The following DMD variants were observed in gnomAD, a reference collection of about 807,000 sequenced individuals.
DMD encodes the protein mutant dystrophin.
A neutral mutation model predicts 330.1 loss-of-function variants in DMD; 63 were observed. The ratio of observed to expected loss-of-function variants is 0.19; its 90% CI spans 0.16 to 0.24. The LOEUF is 0.24. Among genes scored for constraint, DMD ranks in the 10% least tolerant of loss-of-function variants. The pLI, the probability that DMD is intolerant of heterozygous loss-of-function variation, is 1.00. For synonymous variants in DMD, 1,223 were observed against 959.8 expected, an observed-to-expected ratio of 1.27 and a Z score of -5.07; for missense variants, 3,344 against 2,684.1, an observed-to-expected ratio of 1.25 and a Z score of -5.43.
chrX:32,933,323 A>G (rs2146715848), intron 2 of DMD, among the ~76,000 whole-genome samples: 1 of 111,690 alleles, frequency 9.0e-6, no homozygotes, highest in Non-Finnish European at 1.9e-5. Flanking sequence ...AAAGGTTTAT[A>G]ATCCTTACAC....
chrX:32,753,126 T>C (rs890986764), intron 7 of DMD, among the ~76,000 whole-genome samples: 5 of 111,329 alleles, frequency 4.5e-5, no homozygotes, highest in Non-Finnish European at 9.4e-5. Flanking sequence ...AACAAGCTAG[T>C]ACCCAGACTT....
intron 34 of DMD, among the ~76,000 whole-genome samples, chrX:32,370,687 TAA>T (rs201740616): frequency 9.4e-6 from 1 of 106,278 alleles, no homozygotes; most frequent in African/African-American, 3.4e-5. Flanking sequence ...CTGCTCACTT[TAA>T]AAAAAAAAGA....
At chrX:32,462,304 C>A (rs189500049) in intron 25 of DMD, among the ~76,000 whole-genome samples, 1 of 111,470 alleles carries the variant, frequency 9.0e-6, no homozygotes, top group East Asian at 2.8e-4. Flanking sequence ...CTTCTTCTCC[C>A]TCTCAAAATA....
chrX:31,177,909 C>T, intron 71 of DMD, 23 bp downstream of exon 71: 1 of 1,186,406 alleles, frequency 8.4e-7, no homozygotes, highest in Non-Finnish European at 1.1e-6. Flanking sequence ...GTAGCAGCAC[C>T]CTTCAGCAAA....
At chrX:31,858,236 C>T (rs1263167136) in intron 48 of DMD, among the ~76,000 whole-genome samples, 3 of 111,464 alleles carry the variant, frequency 2.7e-5, no homozygotes, top group South Asian at 7.5e-4. Flanking sequence ...GGACATATTG[C>T]TATGGCATTT....
intron 1 of DMD, among the ~76,000 whole-genome samples, chrX:33,042,527 G>T (rs945211471): frequency 9.0e-6 from 1 of 111,367 alleles, no homozygotes; most frequent in Non-Finnish European, 1.9e-5. Context: ...AAAATGTTCA[G>T]GAAAGAAAAA....
intron 1 of DMD, among the ~76,000 whole-genome samples, chrX:33,322,786 C>T (rs73461935): frequency 0.028 from 3,132 of 111,567 alleles, 83 homozygotes; most frequent in East Asian, 0.17. Flanking sequence ...AGCAAAATCC[C>T]TATGCTAAAG....
At chrX:32,947,336 TATTA>T (rs2090889689) in intron 2 of DMD, among the ~76,000 whole-genome samples, 1 of 112,384 alleles carries the variant, frequency 8.9e-6, no homozygotes, top group Non-Finnish European at 1.9e-5. Context: ...AGTGAAGTTG[TATTA>T]ATTCTTTTTT....
At chrX:32,198,586 A>G (rs1388402467) in intron 44 of DMD, among the ~76,000 whole-genome samples, 1 of 111,925 alleles carries the variant, frequency 8.9e-6, no homozygotes, top group African/African-American at 3.2e-5. Flanking sequence ...CTTATTCCAG[A>G]ATACTTTTTT....
intron 1 of DMD, among the ~76,000 whole-genome samples, chrX:33,269,916 C>T (rs1018363024): frequency 3.7e-5 from 4 of 108,693 alleles, no homozygotes; most frequent in Non-Finnish European, 7.6e-5. Flanking sequence ...CTAATATATA[C>T]GTAAAATAAA....
intron 18 of DMD, among the ~76,000 whole-genome samples, chrX:32,507,564 T>C (rs758543865): frequency 9.0e-6 from 1 of 111,559 alleles, no homozygotes; most frequent in South Asian, 3.7e-4. Context: ...TTCCAGTTAT[T>C]CTAATATAAA....
chrX:31,402,713 A>G (rs2148849969), intron 60 of DMD, among the ~76,000 whole-genome samples: 1 of 112,234 alleles, frequency 8.9e-6, no homozygotes, highest in Non-Finnish European at 1.9e-5. Context: ...TACTGCTCTC[A>G]GCAAATAAAG....
chrX:31,613,119 A>G (rs745648250), intron 55 of DMD, among the ~76,000 whole-genome samples: 2 of 112,269 alleles, frequency 1.8e-5, no homozygotes, highest in African/African-American at 6.5e-5. Flanking sequence ...AGTGTCATTT[A>G]TAAGAAACTT....
intron 11 of DMD, among the ~76,000 whole-genome samples, chrX:32,615,303 T>C (rs2057476705): frequency 9.0e-6 from 1 of 111,424 alleles, no homozygotes; most frequent in African/African-American, 3.3e-5. Flanking sequence ...GGGTAATGAA[T>C]TTAAAGTCCA....
intron 5 of DMD, among the ~76,000 whole-genome samples, chrX:32,820,910 G>T (rs2078185225): frequency 9.0e-6 from 1 of 111,635 alleles, no homozygotes; most frequent in Non-Finnish European, 1.9e-5. Context: ...ACATACAATG[G>T]ATTAGGGGAA....
At chrX:32,547,288 C>T (rs971977118) in intron 16 of DMD, among the ~76,000 whole-genome samples, 4 of 111,011 alleles carry the variant, frequency 3.6e-5, no homozygotes, top group Admixed American at 9.7e-5. Flanking sequence ...TTAATATTTT[C>T]GTGGTATCTA....
rs113186436 is a variant in DMD at position 31,585,181 on chromosome X, G to T, written c.8217+42492C>A. On this transcript the variant is annotated intron_variant, in intron 55 of 78. Transcript: ENST00000357033. Reference sequence around the variant, plus strand: ...GCAAAAAAATACAAAAAATTAGCTGGACATGGTGGCACTTGCCTGTAGTCT... The same window carrying T: ...GCAAAAAAATACAAAAAATTAGCTGTACATGGTGGCACTTGCCTGTAGTCT... Among the ~76,000 whole-genome samples the T allele has an allele frequency of 6.8e-3, 739 of 108,295 alleles. 5 individuals are homozygous for T. The highest frequency in any genetic ancestry group is 0.023 in the African/African-American group (688 of 29,740). 94.0% of individuals were successfully genotyped at this position (108,295 alleles called of 115,157 possible).
chrX:32,894,853 G>A (rs1275784892), intron 2 of DMD, among the ~76,000 whole-genome samples: 2 of 112,398 alleles, frequency 1.8e-5, no homozygotes, highest in East Asian at 5.6e-4. Context: ...TACAGAGTCA[G>A]ATGTCAACCG....
At chrX:31,961,378 G>A (rs897371695) in intron 45 of DMD, among the ~76,000 whole-genome samples, 6 of 111,687 alleles carry the variant, frequency 5.4e-5, no homozygotes, top group African/African-American at 2.0e-4. Context: ...TAATCTGAAT[G>A]TGAATAAAAT....
Sources: gnomAD v4.1 joint callset for allele counts (sites outside exome capture counted in the v4.1 genomes callset) on GRCh38, gnomAD v4.1.1 for gene constraint, MANE v1.5 for transcripts, NCBI Gene and HGNC (gene_info 2026-07-23, HGNC 2026-07-21) for gene names.